Variants in ZGRF1 observed in about 807,000 individuals in gnomAD.
ZGRF1 encodes the protein zinc finger GRF-type containing 1, also known as 5'-3' DNA helicase ZGRF1.
Under a neutral mutation model 203.5 loss-of-function variants are expected in ZGRF1, and 196 were observed. The observed-to-expected ratio is 0.96, with a 90% CI of 0.86 to 1.08. The LOEUF is 1.08. ZGRF1 is among the 50% of genes least tolerant of loss of function. ZGRF1 has a pLI of 0.00. For missense variants in ZGRF1, 2,326 were observed against 2,416.3 expected, an observed-to-expected ratio of 0.96 and a Z score of 0.78; for synonymous variants, 809 against 841.3, an observed-to-expected ratio of 0.96 and a Z score of 0.66.
rs111497712 is a variant in ZGRF1 at position 112,545,602 on chromosome 4, T to C, written c.5598+1683A>G. Among the ~76,000 whole-genome samples the C allele has an allele frequency of 4.3e-4, 66 of 152,320 alleles. 1 individual carries two copies. In the Middle Eastern group the frequency reaches 0.01, roughly 24 times the overall value. On this transcript the variant is annotated intron_variant, in intron 24 of 27. Coordinates refer to ENST00000505019, the MANE Select transcript of ZGRF1 (RefSeq NM_018392.5). ...CCTCAAAAATTTAAATGTACAATTA[T>C]CATATGACTCAACAATTATACTTCT...
chr4:112,545,800 A>C (rs1307590858), intron 24 of ZGRF1, among the ~76,000 whole-genome samples: 1 of 152,188 alleles, frequency 6.6e-6, no homozygotes, highest in Non-Finnish European at 1.5e-5. Flanking sequence ...TGAAATTCTG[A>C]TACATGCTAC....
Position 112,584,145 on chromosome 4 carries a change from G to C in ZGRF1, c.4131C>G (p.Pro1377=). The C allele has an allele frequency of 1.2e-6, 2 of 1,610,050 alleles. No individual in the cohort carries two copies. The highest frequency in any genetic ancestry group is 2.2e-5 in the South Asian group (2 of 90,236). ...KGRLFYTCDG[P]KADRCKFFKW... ...TAAAGAATTTACATCGATCAGCTTT[G>C]GGTCCATCACATGTATAAAAGAGAC... The change falls in exon 15 of 28, where the codon CCC becomes CCG. Residue 1377 remains proline (P), a synonymous_variant. Coordinates refer to ENST00000505019, the MANE Select transcript of ZGRF1 (RefSeq NM_018392.5).
At chr4:112,565,595 C>T (rs575870053) in intron 16 of ZGRF1, among the ~76,000 whole-genome samples, 1 of 152,168 alleles carries the variant, frequency 6.6e-6, no homozygotes, top group East Asian at 1.9e-4. Flanking sequence ...ACAACCTACT[C>T]ATCTGACAAA....
rs564341520 is a variant in ZGRF1 at position 112,619,506 on chromosome 4, A to G, written c.536T>C (p.Ile179Thr). ...VNNILADPEN[I>T]VTYKNRERNA... ...TCTCTCCCTGTTCTTGTAAGTCACA[A>G]TGTTCTCAGGGTCTGCCAGTATATT... The change falls in exon 6 of 28, where the codon ATT becomes ACT. Residue 179 changes from isoleucine (I) to threonine (T), a missense_variant. Physicochemically the swap from Ile to Thr is moderately conservative, Grantham distance 89. Transcript: ENST00000505019. 178 of 1,613,526 alleles carry G rather than the reference A, an allele frequency of 1.1e-4. No individual in the cohort carries two copies. In the East Asian group the frequency reaches 3.6e-3, roughly 32 times the overall value.
At chr4:112,570,169 T>C (rs1240418854) in intron 16 of ZGRF1, among the ~76,000 whole-genome samples, 5 of 152,184 alleles carry the variant, frequency 3.3e-5, no homozygotes, top group Admixed American at 1.3e-4. Flanking sequence ...ATTAATAAGC[T>C]TGATCTGATC....
Position 112,587,353 on chromosome 4 carries a change from G to A in ZGRF1, c.3704C>T (p.Thr1235Ile). 6.2e-7 allele frequency: 1 copy of A among 1,613,746 alleles called. No individual in the cohort carries two copies. The highest frequency in any genetic ancestry group is 8.5e-7 in the Non-Finnish European group (1 of 1,179,786). Reference sequence around the variant, plus strand: ...ATTTTTAATTTCCTCTGTCTTAGAAGTCTGCTTTAAATTCAGAGAAAGTAC... The same window carrying A: ...ATTTTTAATTTCCTCTGTCTTAGAAATCTGCTTTAAATTCAGAGAAAGTAC... ...KKVLSLNLKQ[T>I]SKTEEIKNVL... The change falls in exon 12 of 28, where the codon ACT (threonine) becomes ATT (isoleucine). Residue 1235 changes from threonine (T) to isoleucine (I), a missense_variant. Transcript: ENST00000505019.
intron 3 of ZGRF1, among the ~76,000 whole-genome samples, chr4:112,625,458 G>T (rs947909865): frequency 3.3e-5 from 5 of 151,580 alleles, no homozygotes; most frequent in Non-Finnish European, 7.4e-5. Flanking sequence ...GGTGGCAGGC[G>T]CCTGTAGTCC....
At chr4:112,590,018 A>G (rs1344210108) in intron 10 of ZGRF1, 144 bp from the exon 11 acceptor site, 1 of 516,072 alleles carries the variant, frequency 1.9e-6, no homozygotes, top group Non-Finnish European at 3.3e-6. Flanking sequence ...CAACTATAAA[A>G]CTTCTTCCAA....
chr4:112,603,492 T>G, intron 10 of ZGRF1, 32 bp downstream of exon 10: 1 of 1,539,148 alleles, frequency 6.5e-7, no homozygotes, highest in East Asian at 2.3e-5. Flanking sequence ...AGAAAATGAT[T>G]TGGCAAAATG....
chr4:112,568,499 T>C (rs772344081), intron 16 of ZGRF1, among the ~76,000 whole-genome samples: 9 of 140,576 alleles, frequency 6.4e-5, no homozygotes, highest in Non-Finnish European at 1.2e-4. Context: ...TCACCTGAGG[T>C]CAGGAGTTCG....
At position 112,610,698 on chromosome 4, in the gene ZGRF1, C is replaced by A. The variant is rs147540832; in HGVS notation, c.2668-1269G>T. Reference sequence around the variant, plus strand: ...CTAAGGAAAAAACTTAAAATGCAAACAATGATTTATGTGTAAAAACATTTA... The same window carrying A: ...CTAAGGAAAAAACTTAAAATGCAAAAAATGATTTATGTGTAAAAACATTTA... On this transcript the variant is annotated intron_variant, in intron 7 of 27. Coordinates refer to ENST00000505019, the MANE Select transcript of ZGRF1 (RefSeq NM_018392.5). 6.8e-3 allele frequency: 1,042 copies of A among 153,100 alleles called. 16 individuals are homozygous for A. The highest frequency in any genetic ancestry group is 0.024 in the African/African-American group (979 of 41,548). 9.5% of individuals were successfully genotyped at this position (153,100 alleles called of 1,614,324 possible). A position where few individuals can be genotyped will look rare whatever the true frequency, so the allele number is the denominator to read the frequency against.
intron 11 of ZGRF1, among the ~76,000 whole-genome samples, chr4:112,588,356 C>A (rs528726445): frequency 6.6e-6 from 1 of 152,092 alleles, no homozygotes; most frequent in African/African-American, 2.4e-5. Flanking sequence ...TTTTTTATAT[C>A]TACTTTACAT....
chr4:112,574,770 G>A (rs1272183459), intron 16 of ZGRF1, among the ~76,000 whole-genome samples: 1 of 152,152 alleles, frequency 6.6e-6, no homozygotes, highest in African/African-American at 2.4e-5. Flanking sequence ...GGTGGCTCAT[G>A]TCTGTAATCC....
At chr4:112,564,119 G>C (rs1290031735) in intron 16 of ZGRF1, among the ~76,000 whole-genome samples, 2 of 152,154 alleles carry the variant, frequency 1.3e-5, no homozygotes, top group African/African-American at 4.8e-5. Flanking sequence ...CCAACTGCCA[G>C]GGCATCAGCA....
Position 112,618,487 on chromosome 4 carries a change from A to AT in ZGRF1, c.1554dup (p.Ser519IlefsTer4). ...AATGGTTGTGTTACATTACTCAGAG[A>AT]TTCATGAATACTATTAAGACTTTCA... On this transcript the variant is annotated frameshift_variant, in exon 6 of 28. Coordinates refer to ENST00000505019, the MANE Select transcript of ZGRF1 (RefSeq NM_018392.5). LOFTEE classifies it high-confidence loss of function. The AT allele has an allele frequency of 6.2e-7, 1 of 1,613,432 alleles. No homozygotes were observed.
chr4:112,548,271 G>A lies in ZGRF1; in HGVS notation c.5456C>T (p.Ser1819Phe), dbSNP rs1182912659. The stretch of plus-strand genomic sequence containing the variant: ...AGGTTACCTTGCAATGGGAAGGAGA[G>A]AGGCCGGTTCAGTTATCTGACTACA... ...DECSQITEPA[S>F]LLPIARFECE... Residue 1819 changes from serine to phenylalanine, a missense_variant, in exon 23 of 28, where the codon TCT becomes TTT. Transcript: ENST00000505019. 1.9e-6 allele frequency: 3 copies of A among 1,552,268 alleles called. No homozygotes were observed. Among genetic ancestry groups the A allele is most frequent in the Non-Finnish European group, 2.6e-6 (3 of 1,147,088 alleles).
At chr4:112,558,770 G>C (rs1022776216) in intron 19 of ZGRF1, among the ~76,000 whole-genome samples, 2 of 152,136 alleles carry the variant, frequency 1.3e-5, no homozygotes, top group Non-Finnish European at 2.9e-5. Context: ...AAAGCACAGG[G>C]GATAAATAGA....
intron 19 of ZGRF1, 96 bp downstream of exon 19, chr4:112,560,637 A>G: frequency 9.3e-7 from 1 of 1,071,652 alleles, no homozygotes; most frequent in Non-Finnish European, 1.4e-6. Context: ...GTTATTCTTG[A>G]ACCTCATTTG....
Position 112,547,300 on chromosome 4 carries a change from A to C in ZGRF1, c.5583T>G (p.Asp1861Glu), listed in dbSNP as rs144913761. 1.2e-6 allele frequency: 2 copies of C among 1,612,952 alleles called. No individual in the cohort carries two copies. The highest frequency in any genetic ancestry group is 1.3e-5 in the African/African-American group (1 of 74,906). ...CAGTATGTACCATTAAGCAAAGTCG[A>C]TCAAAAAGAGTTTGTTCCAATCCAT... ...HENGLEQTLF[D>E]RLCLMGHKPI... Residue 1861 changes from aspartate (D) to glutamate (E), a missense_variant, in exon 24 of 28, where the codon GAT becomes GAG. By Grantham distance (45) the Asp-to-Glu change is conservative. Coordinates refer to ENST00000505019, the MANE Select transcript of ZGRF1 (RefSeq NM_018392.5).
Sources: allele counts gnomAD v4.1 joint callset (sites outside exome capture counted in the v4.1 genomes callset), GRCh38; gene constraint gnomAD v4.1.1; transcripts MANE v1.5; gene names NCBI Gene and HGNC (gene_info 2026-07-23, HGNC 2026-07-21).